The following PI4K2B variants were observed in gnomAD, a reference collection of about 807,000 sequenced individuals.
The protein encoded by PI4K2B is phosphatidylinositol 4-kinase type 2 beta.
In PI4K2B, 46 loss-of-function variants were observed where a neutral mutation model predicts 56.6. The ratio of observed to expected loss-of-function variants is 0.81; its 90% CI spans 0.64 to 1.04. PI4K2B has a LOEUF of 1.04. PI4K2B is among the 50% of genes least tolerant of loss of function. The pLI, the probability that PI4K2B is intolerant of heterozygous loss-of-function variation, is 0.00. For synonymous variants in PI4K2B, 211 were observed against 223.8 expected, an observed-to-expected ratio of 0.94 and a Z score of 0.51; for missense variants, 556 against 607.7, an observed-to-expected ratio of 0.91 and a Z score of 0.89.
In PI4K2B at chr4:25,273,559, A is replaced by ACTTTGGCTCAAAGGG. The variant is rs552128609; in HGVS notation, c.1273-3450_1273-3436dup. On this transcript the variant is annotated intron_variant, in intron 9 of 9. Transcript: ENST00000264864. ...AGTAGTCTACGTTTTAGGTGGAATG[A>ACTTTGGCTCAAAGGG]CTTTGGCTCAAAGGGCTTTAATAAC... Among the ~76,000 whole-genome samples the ACTTTGGCTCAAAGGG allele has an allele frequency of 3.5e-4, 53 of 152,274 alleles. No individual in the cohort carries two copies. In the East Asian group the frequency reaches 0.01, roughly 29 times the overall value.
At chr4:25,236,727 C>G (rs1715277022) in intron 1 of PI4K2B, among the ~76,000 whole-genome samples, 1 of 152,080 alleles carries the variant, frequency 6.6e-6, no homozygotes, top group Admixed American at 6.6e-5. Flanking sequence ...AGGAGGAAGC[C>G]TGGTTCTTTC....
chr4:25,240,288 G>C (rs370814772), intron 1 of PI4K2B, among the ~76,000 whole-genome samples: 1 of 152,214 alleles, frequency 6.6e-6, no homozygotes, highest in Non-Finnish European at 1.5e-5. Flanking sequence ...TCTCAGCAGC[G>C]AAGAGGTCTA....
chr4:25,275,239 T>C (rs947858671), intron 9 of PI4K2B, among the ~76,000 whole-genome samples: 5 of 152,248 alleles, frequency 3.3e-5, no homozygotes, highest in African/African-American at 1.2e-4. Context: ...AAGAGGAAAC[T>C]AACCAAAACA....
rs1458149828 is a variant in PI4K2B, at chr4:25,234,068, C to T, written c.-96C>T. ...GTGCGCTGGTGAGGTGGCGTCCGTT[C>T]TACCCGGTCGCTCCCGTTCCGCGCC... On this transcript the variant is annotated 5_prime_UTR_variant, in exon 1 of 10. Coordinates refer to ENST00000264864, the MANE Select transcript of PI4K2B (RefSeq NM_018323.4). The T allele has an allele frequency of 1.9e-6, 2 of 1,076,398 alleles. No individual in the cohort carries two copies. Among genetic ancestry groups the T allele is most frequent in the East Asian group, 3.2e-5 (1 of 30,876 alleles). 66.7% of individuals were successfully genotyped at this position (1,076,398 alleles called of 1,614,324 possible).
At chr4:25,245,104 T>G (rs1335307012) in intron 1 of PI4K2B, among the ~76,000 whole-genome samples, 2 of 152,136 alleles carry the variant, frequency 1.3e-5, no homozygotes, top group East Asian at 3.9e-4. Flanking sequence ...CAGGAATAGC[T>G]TTTGTTAGGC....
chr4:25,268,305 G>A lies in PI4K2B; in HGVS notation c.1079-138G>A, dbSNP rs565475283. 7.7e-4 allele frequency: 495 copies of A among 639,898 alleles called. 1 individual carries two copies. Among genetic ancestry groups the A allele is most frequent in the Middle Eastern group, 1.6e-3 (4 of 2,530 alleles). 39.6% of individuals were successfully genotyped at this position (639,898 alleles called of 1,614,324 possible). A position where few individuals can be genotyped will look rare whatever the true frequency, so the allele number is the denominator to read the frequency against. ...AATCTGAGTAATTTGGATTGCAGTG[G>A]GTAGTTGTACTCTGATTAAGTTCTT... On this transcript the variant is annotated intron_variant, in intron 7 of 9. Coordinates refer to ENST00000264864, the MANE Select transcript of PI4K2B (RefSeq NM_018323.4).
At chr4:25,256,784 C>G in intron 4 of PI4K2B, 110 bp downstream of exon 4, 1 of 1,011,834 alleles carries the variant, frequency 9.9e-7, no homozygotes, top group South Asian at 1.6e-5. Flanking sequence ...ACAGATTTTT[C>G]ATCTTCCAGG....
chr4:25,260,360 G>GTT (rs1220872114), intron 5 of PI4K2B, among the ~76,000 whole-genome samples, 164 bp from the exon 6 acceptor site: 2 of 136,942 alleles, frequency 1.5e-5, no homozygotes. Context: ...ATTTATGTTT[G>GTT]TTTTTTTTTT....
chr4:25,254,791 G>C (rs551254740), intron 2 of PI4K2B, among the ~76,000 whole-genome samples: 1 of 152,246 alleles, frequency 6.6e-6, no homozygotes, highest in East Asian at 1.9e-4. Flanking sequence ...AGTGGCATGG[G>C]GTCTTGGAGC....
At chr4:25,252,795 G>C (rs1210641279) in intron 2 of PI4K2B, among the ~76,000 whole-genome samples, 1 of 152,060 alleles carries the variant, frequency 6.6e-6, no homozygotes, top group Admixed American at 6.6e-5. Flanking sequence ...GTAATTATTT[G>C]TAGAGACGGT....
intron 9 of PI4K2B, among the ~76,000 whole-genome samples, chr4:25,273,154 G>T (rs922937688): frequency 6.6e-6 from 1 of 151,472 alleles, no homozygotes; most frequent in Non-Finnish European, 1.5e-5. Flanking sequence ...ATTCAGAGCT[G>T]GTAATAATGT....
chr4:25,249,286 C>T (rs1236979824), intron 1 of PI4K2B, among the ~76,000 whole-genome samples: 4 of 152,124 alleles, frequency 2.6e-5, no homozygotes, highest in South Asian at 2.1e-4. Context: ...TCGACAAAAC[C>T]GCCATCGTCA....
rs77639797 is a variant in PI4K2B, at chr4:25,237,396, C to G, written c.268+2965C>G. Among the ~76,000 whole-genome samples, 1,715 of 151,246 alleles carry G rather than the reference C, an allele frequency of 0.011. 77 individuals are homozygous for G. In the East Asian group the frequency reaches 0.12, roughly 10 times the overall value. Reference sequence around the variant, plus strand: ...GGCTGTAGGGGTGGCAGTGGGGGAACAGAGTTTCATTCCTGTCACCCAGGC... The same window carrying G: ...GGCTGTAGGGGTGGCAGTGGGGGAAGAGAGTTTCATTCCTGTCACCCAGGC... On this transcript the variant is annotated intron_variant, in intron 1 of 9. Transcript: ENST00000264864.
At chr4:25,276,831 G>A in intron 9 of PI4K2B, 183 bp from the exon 10 acceptor site, 7 of 948,272 alleles carry the variant, frequency 7.4e-6, no homozygotes, top group Non-Finnish European at 8.8e-6. Context: ...GTGTGTGTGT[G>A]CGCGTGTGTG....
At chr4:25,249,948 G>A (rs750877574) in intron 1 of PI4K2B, among the ~76,000 whole-genome samples, 1 of 152,220 alleles carries the variant, frequency 6.6e-6, no homozygotes, top group Admixed American at 6.5e-5. Context: ...CTGAGTGAGC[G>A]AGACTCCGTT....
intron 1 of PI4K2B, among the ~76,000 whole-genome samples, chr4:25,241,221 T>G (rs1715507543): frequency 6.6e-6 from 1 of 152,268 alleles, no homozygotes; most frequent in South Asian, 2.1e-4. Context: ...CCTTTCCCAG[T>G]TCTAAGGCTC....
chr4:25,269,873 C>T (rs1422300336), intron 9 of PI4K2B, among the ~76,000 whole-genome samples: 1 of 151,472 alleles, frequency 6.6e-6, no homozygotes, highest in Non-Finnish European at 1.5e-5. Context: ...ACCACCACAC[C>T]CGGCTGATTT....
At chr4:25,263,124 C>T (rs1473370300) in intron 6 of PI4K2B, among the ~76,000 whole-genome samples, 2 of 152,144 alleles carry the variant, frequency 1.3e-5, no homozygotes, top group African/African-American at 4.8e-5. Context: ...ATGGCAGAAA[C>T]TGCCCCCATG....
chr4:25,249,709 G>A (rs1004355730), intron 1 of PI4K2B, among the ~76,000 whole-genome samples: 7 of 151,712 alleles, frequency 4.6e-5, no homozygotes, highest in South Asian at 2.1e-4. Flanking sequence ...GGTGGCGGCC[G>A]GGCAGAGGCA....
Sources: gnomAD v4.1 joint callset for allele counts (sites outside exome capture counted in the v4.1 genomes callset) on GRCh38, gnomAD v4.1.1 for gene constraint, MANE v1.5 for transcripts, NCBI Gene and HGNC (gene_info 2026-07-23, HGNC 2026-07-21) for gene names.